The following STK3 variants were observed in gnomAD, a reference collection of about 807,000 sequenced individuals.
The protein encoded by STK3 is serine/threonine kinase 3.
In STK3, 41 loss-of-function variants were observed where a neutral mutation model predicts 58.0. That is an observed-to-expected ratio of 0.71 (90% confidence interval 0.55 to 0.92). The LOEUF is 0.92. STK3 is among the 40% of genes least tolerant of loss of function. The pLI is 0.00. For synonymous variants in STK3, 170 were observed against 191.0 expected (o/e 0.89, Z 0.91); for missense variants, 479 against 602.7 (o/e 0.79, Z 2.15).
chr8:98,703,824 C>T (rs1186408405), intron 6 of STK3, among the ~76,000 whole-genome samples: 2 of 152,152 alleles, frequency 1.3e-5, no homozygotes, highest in Non-Finnish European at 2.9e-5. Context: ...TATACTTTCC[C>T]AATTACCAAT....
At chr8:98,914,110 A>T (rs991589392) in intron 1 of STK3, among the ~76,000 whole-genome samples, 2 of 152,108 alleles carry the variant, frequency 1.3e-5, no homozygotes, top group African/African-American at 4.8e-5. Flanking sequence ...CATGTAACAC[A>T]TCTGCACTTG....
rs149637610 is a variant in STK3 at position 98,907,864 on chromosome 8, T to C, written c.-78-24030A>G. Among the ~76,000 whole-genome samples, 8 of 152,354 alleles carry C rather than the reference T, an allele frequency of 5.3e-5. No homozygotes were observed. The East Asian group carries it at 9.6e-4, about 18-fold the overall frequency. ...TGTTTTTTAATTATCTTTTAATCTATGGGTGTCCTCCTTCCTCTGGCTCTT... is the reference window on the plus strand; with the variant it reads ...TGTTTTTTAATTATCTTTTAATCTACGGGTGTCCTCCTTCCTCTGGCTCTT... On this transcript the variant is annotated intron_variant, in intron 1 of 1. Coordinates refer to the STK3 transcript ENST00000519420.
At chr8:98,382,461 C>T (rs1817744224) in intron 1 of STK3, among the ~76,000 whole-genome samples, 1 of 152,144 alleles carries the variant, frequency 6.6e-6, no homozygotes, top group Non-Finnish European at 1.5e-5. Flanking sequence ...GAGACATTCC[C>T]AGCCCCAGGG....
chr8:98,651,231 G>A (rs1048053765), intron 6 of STK3, among the ~76,000 whole-genome samples: 6 of 152,192 alleles, frequency 3.9e-5, no homozygotes, highest in East Asian at 1.9e-4. Flanking sequence ...CAGGCAAACC[G>A]AGTCTGGAGT....
At chr8:98,407,765 C>CGT (rs1563594587) in intron 3 of STK3, among the ~76,000 whole-genome samples, 5 of 150,902 alleles carry the variant, frequency 3.3e-5, no homozygotes, top group South Asian at 2.1e-4. Flanking sequence ...TGTGCGCGCG[C>CGT]GCGCGCATGC....
At chr8:98,903,553 CTT>C (rs1564093671) in intron 1 of STK3, among the ~76,000 whole-genome samples, 4 of 15,350 alleles carry the variant, frequency 2.6e-4, no homozygotes, top group Non-Finnish European at 4.3e-4. Flanking sequence ...TCTTCTTCTT[CTT>C]CCTTTTTTTT....
intron 3 of STK3, among the ~76,000 whole-genome samples, chr8:98,830,713 G>A (rs935619473): frequency 3.3e-5 from 5 of 152,126 alleles, no homozygotes; most frequent in South Asian, 2.1e-4. Flanking sequence ...GCTCACGCCT[G>A]TAATCCCAGC....
chr8:98,401,245 C>T (rs1487858179), downstream of STK3, among the ~76,000 whole-genome samples: 1 of 152,172 alleles, frequency 6.6e-6, no homozygotes, highest in Non-Finnish European at 1.5e-5. Flanking sequence ...TGAGGCTTTC[C>T]AGCCCAGACA....
chr8:98,384,416 T>C (rs952646242), intron 1 of STK3, among the ~76,000 whole-genome samples: 5 of 152,238 alleles, frequency 3.3e-5, no homozygotes, highest in Admixed American at 1.3e-4. Context: ...CTTCGTTCTT[T>C]CGTTGATTTG....
chr8:98,736,307 G>T (rs1470717842), intron 4 of STK3, among the ~76,000 whole-genome samples: 1 of 152,148 alleles, frequency 6.6e-6, no homozygotes, highest in East Asian at 1.9e-4. Flanking sequence ...AAGACTGGGG[G>T]TAGGGATAAC....
At chr8:98,891,793 T>C (rs1184827868) in intron 1 of STK3, among the ~76,000 whole-genome samples, 1 of 152,076 alleles carries the variant, frequency 6.6e-6, no homozygotes, top group African/African-American at 2.4e-5. Context: ...AGAGATTGCA[T>C]AAAAGTGAAA....
intron 1 of STK3, among the ~76,000 whole-genome samples, chr8:98,818,590 C>A (rs974088774): frequency 1.3e-5 from 2 of 151,140 alleles, no homozygotes; most frequent in Non-Finnish European, 2.9e-5. Context: ...ATAGCAGAAA[C>A]ATCTGAAAAA....
intron 1 of STK3, among the ~76,000 whole-genome samples, chr8:98,935,168 G>C (rs1840151818): frequency 6.6e-6 from 1 of 152,068 alleles, no homozygotes; most frequent in Non-Finnish European, 1.5e-5. Context: ...CTTAGAGGTG[G>C]GGGTGGGGGG....
chr8:98,666,849 G>A (rs1822405547), intron 6 of STK3, among the ~76,000 whole-genome samples: 2 of 152,116 alleles, frequency 1.3e-5, no homozygotes, highest in African/African-American at 4.8e-5. Flanking sequence ...CAATCATACA[G>A]CAGGTGGAAA....
In STK3 at chr8:98,769,834, G is replaced by A. The variant is rs547210155; in HGVS notation, c.108-2463C>T. On this transcript the variant is annotated intron_variant, in intron 2 of 10. Transcript: ENST00000419617. The stretch of plus-strand genomic sequence containing the variant: ...AAAAGTTATAGAACAAACACAGCAA[G>A]CTAAAGGCTTAAATGTCCAGCTCAA... Among the ~76,000 whole-genome samples, 83 of 152,300 alleles carry A rather than the reference G, an allele frequency of 5.4e-4. 1 individual carries two copies. Among genetic ancestry groups the A allele is most frequent in the African/African-American group, 2.0e-3 (82 of 41,578 alleles).
chr8:98,505,188 T>C (rs772520292), intron 10 of STK3, among the ~76,000 whole-genome samples: 1 of 152,212 alleles, frequency 6.6e-6, no homozygotes, highest in Non-Finnish European at 1.5e-5. Flanking sequence ...GAATAGGCTA[T>C]TGAAGCTTGT....
the STK3 span, among the ~76,000 whole-genome samples, chr8:98,352,136 CAAAAAAAAAA>C: frequency 9.1e-6 from 1 of 110,456 alleles, no homozygotes; most frequent in Non-Finnish European, 1.8e-5. Flanking sequence ...GACTCTGTCT[CAAAAAAAAAA>C]AAAAAAAAAG....
At chr8:98,539,528 G>A (rs1810053917) in intron 9 of STK3, among the ~76,000 whole-genome samples, 1 of 151,974 alleles carries the variant, frequency 6.6e-6, no homozygotes, top group Non-Finnish European at 1.5e-5. Flanking sequence ...AACTTCATTT[G>A]CTTTCTCTTA....
intron 3 of STK3, among the ~76,000 whole-genome samples, chr8:98,837,400 T>A: frequency 6.7e-6 from 1 of 150,168 alleles, no homozygotes; most frequent in Non-Finnish European, 1.5e-5. Flanking sequence ...AAAAAATGGC[T>A]TTCATTTTAT....
Sources: allele counts gnomAD v4.1 joint callset (sites outside exome capture counted in the v4.1 genomes callset), GRCh38; gene constraint gnomAD v4.1.1; transcripts MANE v1.5; gene names NCBI Gene and HGNC (gene_info 2026-07-23, HGNC 2026-07-21).